The following SH2D4B variants were observed in gnomAD, a reference collection of about 807,000 sequenced individuals.
The protein encoded by SH2D4B is SH2 domain containing 4B, also known as SH2 domain-containing protein 4B.
In SH2D4B, 45 loss-of-function variants were observed where a neutral mutation model predicts 61.5. The observed-to-expected ratio is 0.73, with a 90% CI of 0.58 to 0.94. SH2D4B has a LOEUF of 0.94. Ranked by LOEUF, SH2D4B falls within the 40% of genes least tolerant of loss-of-function variation. The pLI, the probability that SH2D4B is intolerant of heterozygous loss-of-function variation, is 0.00. For missense variants in SH2D4B, 572 were observed against 574.2 expected (o/e 1.00, Z 0.04); for synonymous variants, 224 against 220.4 (o/e 1.02, Z -0.14).
chr10:80,607,941 G>A (rs567079463), intron 5 of SH2D4B, among the ~76,000 whole-genome samples: 1 of 152,288 alleles, frequency 6.6e-6, no homozygotes, highest in Non-Finnish European at 1.5e-5. Flanking sequence ...CTGTTGCCCA[G>A]GCTGGAGTGC....
At chr10:80,640,676 G>A (rs2132167256) in intron 7 of SH2D4B, among the ~76,000 whole-genome samples, 2 of 152,268 alleles carry the variant, frequency 1.3e-5, no homozygotes, top group Admixed American at 1.3e-4. Context: ...GTTTATTCTA[G>A]TTAGCCATTT....
At chr10:80,546,744 G>C (rs978672991) in intron 1 of SH2D4B, among the ~76,000 whole-genome samples, 2 of 150,834 alleles carry the variant, frequency 1.3e-5, no homozygotes, top group African/African-American at 4.9e-5. Context: ...AGTCAGGATG[G>C]TCTCAATCTC....
chr10:80,580,912 G>A (rs1842179011), intron 3 of SH2D4B, among the ~76,000 whole-genome samples: 1 of 152,172 alleles, frequency 6.6e-6, no homozygotes, highest in Non-Finnish European at 1.5e-5. Flanking sequence ...CCTTTTGGCT[G>A]CTAAACCTCA....
intron 1 of SH2D4B, among the ~76,000 whole-genome samples, chr10:80,549,205 G>A (rs1188800811): frequency 2.2e-5 from 2 of 92,424 alleles, no homozygotes; most frequent in African/African-American, 1.4e-4. Context: ...GGACTTGATT[G>A]TGTGTGTGTG....
intron 6 of SH2D4B, among the ~76,000 whole-genome samples, chr10:80,630,462 C>G (rs931862926): frequency 5.9e-5 from 9 of 152,084 alleles, no homozygotes; most frequent in African/African-American, 2.2e-4. Flanking sequence ...TTGTGAAAAC[C>G]CAAATGTGGG....
chr10:80,643,593 T>G (rs1273010229), intron 7 of SH2D4B, among the ~76,000 whole-genome samples: 1 of 152,010 alleles, frequency 6.6e-6, no homozygotes, highest in Non-Finnish European at 1.5e-5. Flanking sequence ...TCTGAACTTT[T>G]TGGGTCTCTT....
chr10:80,585,919 G>A (rs1223097778), intron 3 of SH2D4B, among the ~76,000 whole-genome samples: 2 of 152,060 alleles, frequency 1.3e-5, no homozygotes, highest in African/African-American at 4.8e-5. Context: ...TGGCGCTTGC[G>A]GGCCAGCTGG....
intron 1 of SH2D4B, among the ~76,000 whole-genome samples, chr10:80,569,157 TGTCACG>T (rs1430007833): frequency 1.3e-5 from 2 of 152,222 alleles, no homozygotes; most frequent in African/African-American, 4.8e-5. Flanking sequence ...TTCTTGCTAG[TGTCACG>T]GTCTGTTGTG....
rs200419929 is a variant in SH2D4B at position 80,596,686 on chromosome 10, C to T, written c.644-6893C>T. On this transcript the variant is annotated intron_variant, in intron 4 of 7. Coordinates refer to ENST00000646907, the MANE Select transcript of SH2D4B (RefSeq NM_001388272.1). Reference sequence around the variant, plus strand: ...GACTGCCGAGGGGTGGCTGAGGTTGCGGGAACACTAAGCAGACATTACAGT... The same window carrying T: ...GACTGCCGAGGGGTGGCTGAGGTTGTGGGAACACTAAGCAGACATTACAGT... Among the ~76,000 whole-genome samples, 9 of 152,190 alleles carry T rather than the reference C, an allele frequency of 5.9e-5. No homozygotes were observed. The East Asian group carries it at 9.7e-4, about 16-fold the overall frequency.
At chr10:80,563,230 G>A (rs1305137107) in intron 1 of SH2D4B, among the ~76,000 whole-genome samples, 1 of 152,116 alleles carries the variant, frequency 6.6e-6, no homozygotes, top group Non-Finnish European at 1.5e-5. Flanking sequence ...TATACCTGTT[G>A]GCTATTTGTA....
intron 3 of SH2D4B, among the ~76,000 whole-genome samples, chr10:80,571,958 G>C (rs1171181822): frequency 6.6e-6 from 1 of 151,904 alleles, no homozygotes; most frequent in African/African-American, 2.4e-5. Context: ...ATTTTTAGTA[G>C]AGACGGGGTT....
In SH2D4B at chr10:80,644,886, G is replaced by T. The variant is rs1281299617; in HGVS notation, c.*801G>T. On this transcript the variant is annotated 3_prime_UTR_variant, in exon 8 of 8. Coordinates refer to ENST00000646907, the MANE Select transcript of SH2D4B (RefSeq NM_001388272.1). ...CTCTCTGGGATGTGGCCCTCTCTAT[G>T]CAGGTTACTCCAATGATTAGCTCTG... 1 of 152,206 alleles carries T rather than the reference G, an allele frequency of 6.6e-6. No individual in the cohort carries two copies. The highest frequency in any genetic ancestry group is 6.5e-5 in the Admixed American group (1 of 15,282). 9.4% of individuals were successfully genotyped at this position (152,206 alleles called of 1,614,324 possible). A position where few individuals can be genotyped will look rare whatever the true frequency, so the allele number is the denominator to read the frequency against.
chr10:80,641,467 T>TC (rs145319598), intron 7 of SH2D4B, among the ~76,000 whole-genome samples: 4,103 of 152,322 alleles, frequency 0.027, 197 homozygotes, highest in African/African-American at 0.094. Context: ...AGCTTCCCCA[T>TC]CCACTTTGTT....
At chr10:80,630,561 T>A (rs1842819693) in intron 6 of SH2D4B, among the ~76,000 whole-genome samples, 1 of 152,154 alleles carries the variant, frequency 6.6e-6, no homozygotes, top group African/African-American at 2.4e-5. Flanking sequence ...GGGGTGGGGA[T>A]AGTTGGGGAG....
chr10:80,640,870 G>A (rs1263117183), intron 7 of SH2D4B, among the ~76,000 whole-genome samples: 13 of 152,138 alleles, frequency 8.5e-5, no homozygotes, highest in African/African-American at 4.8e-5. Flanking sequence ...GAGAAGAGGC[G>A]CTCTGGTTTT....
intron 3 of SH2D4B, among the ~76,000 whole-genome samples, chr10:80,587,656 T>C (rs575050094): frequency 6.6e-6 from 1 of 152,296 alleles, no homozygotes; most frequent in East Asian, 1.9e-4. Context: ...TATTGTGTGA[T>C]GCTGAAGTAA....
chr10:80,598,396 G>A (rs565638790), intron 4 of SH2D4B, among the ~76,000 whole-genome samples: 2 of 152,236 alleles, frequency 1.3e-5, no homozygotes, highest in South Asian at 4.1e-4. Flanking sequence ...ATTAATGTAC[G>A]GTGTGGCAAC....
Position 80,538,328 on chromosome 10 carries a change from C to T in SH2D4B, c.-4C>T. On this transcript the variant is annotated 5_prime_UTR_variant, in exon 1 of 8. Coordinates refer to ENST00000646907, the MANE Select transcript of SH2D4B (RefSeq NM_001388272.1). This position sits in a 1 kb window ranked among gnomAD's most constrained non-coding sequence, Gnocchi z 4.8. ...CTTCTGGTGCGTGCATCCCAGGTGG[C>T]ATCATGCTGCAGCAGATCCTGCACG... The T allele has an allele frequency of 7.5e-7, 1 of 1,332,206 alleles. No individual in the cohort carries two copies. Among genetic ancestry groups the T allele is most frequent in the Non-Finnish European group, 9.7e-7 (1 of 1,033,344 alleles). The allele number at this position is 1,332,206 out of a possible 1,614,324, so 82.5% of individuals were successfully genotyped here. A position where few individuals can be genotyped will look rare whatever the true frequency, so the allele number is the denominator to read the frequency against.
At chr10:80,565,197 G>A (rs905297137) in intron 1 of SH2D4B, among the ~76,000 whole-genome samples, 1 of 152,062 alleles carries the variant, frequency 6.6e-6, no homozygotes. Context: ...GTTATGGTTC[G>A]TCCACAAGGA....
Sources: allele counts gnomAD v4.1 joint callset (sites outside exome capture counted in the v4.1 genomes callset), GRCh38; gene constraint gnomAD v4.1.1; non-coding constraint Gnocchi (gnomAD v3.1); transcripts MANE v1.5; gene names NCBI Gene and HGNC (gene_info 2026-07-23, HGNC 2026-07-21).